The following RRP1B variants were observed in gnomAD, a reference collection of about 807,000 sequenced individuals.
RRP1B encodes ribosomal RNA processing 1B.
Under a neutral mutation model 80.2 loss-of-function variants are expected in RRP1B, and 56 were observed. That is an observed-to-expected ratio of 0.70 (90% confidence interval 0.56 to 0.87). RRP1B has a LOEUF of 0.87. Among genes scored for constraint, RRP1B ranks in the 40% least tolerant of loss-of-function variants. The pLI, the probability that RRP1B is intolerant of heterozygous loss-of-function variation, is 0.00. For synonymous variants in RRP1B, 351 were observed against 357.6 expected (o/e 0.98, Z 0.21); for missense variants, 807 against 939.8 (o/e 0.86, Z 1.85).
intron 3 of RRP1B, among the ~76,000 whole-genome samples, chr21:43,673,165 GA>G (rs945748337): frequency 6.6e-6 from 1 of 152,168 alleles, no homozygotes; most frequent in African/African-American, 2.4e-5. Context: ...TAATGGTTTT[GA>G]ACTGATTGTG....
chr21:43,669,743 A>G (rs2147163451), intron 1 of RRP1B, 141 bp from the exon 2 acceptor site: 3 of 573,448 alleles, frequency 5.2e-6, no homozygotes, highest in East Asian at 5.6e-5. Flanking sequence ...TTTTATAACA[A>G]TAAGGAAATG....
In RRP1B at chr21:43,659,753, A is replaced by G; in HGVS notation, c.89A>G (p.Lys30Arg). ...GGCATCCGGGACCGAGCGGTGAAGA[A>G]GCTGCGCCAGTACATCAGCGTGAAG... ...EKGIRDRAVK[K>R]LRQYISVKTQ... Residue 30 changes from lysine to arginine, a missense_variant, in exon 1 of 16, where the codon AAG becomes AGG. Physicochemically the swap from Lys to Arg is conservative, Grantham distance 26 (BLOSUM62 2). Coordinates refer to ENST00000340648, the MANE Select transcript of RRP1B (RefSeq NM_015056.3). This position sits in a 1 kb window ranked among gnomAD's most constrained non-coding sequence, Gnocchi z 4.2. 6.6e-7 allele frequency: 1 copy of G among 1,525,114 alleles called. No homozygotes were observed. The highest frequency in any genetic ancestry group is 8.8e-7 in the Non-Finnish European group (1 of 1,133,964). The allele number at this position is 1,525,114 out of a possible 1,614,324, so 94.5% of individuals were successfully genotyped here.
intron 2 of RRP1B, among the ~76,000 whole-genome samples, chr21:43,672,092 C>G (rs1400923938): frequency 6.6e-6 from 1 of 152,202 alleles, no homozygotes; most frequent in Admixed American, 6.5e-5. Context: ...TAACACAGTT[C>G]TTGCAGACAT....
At chr21:43,680,814 G>C (rs1265367356) in intron 8 of RRP1B, among the ~76,000 whole-genome samples, 1 of 152,062 alleles carries the variant, frequency 6.6e-6, no homozygotes, top group African/African-American at 2.4e-5. Context: ...CAAAGTGCTG[G>C]GATTAAAGGC....
chr21:43,679,106 C>T (rs1190157300), intron 8 of RRP1B, among the ~76,000 whole-genome samples: 1 of 152,122 alleles, frequency 6.6e-6, no homozygotes, highest in Non-Finnish European at 1.5e-5. Context: ...CATTGGTCTA[C>T]ATGCCTATTT....
chr21:43,663,523 G>A (rs1478736477), intron 1 of RRP1B, among the ~76,000 whole-genome samples: 1 of 151,958 alleles, frequency 6.6e-6, no homozygotes, highest in African/African-American at 2.4e-5. Flanking sequence ...TCAAAGTGCT[G>A]GGATTACAGG....
Position 43,690,240 on chromosome 21 carries a change from G to A in RRP1B, c.1867-48G>A, listed in dbSNP as rs778990570. ...CCTGTGTGTGTGGGCAGCACAGGAG[G>A]CTCTGTCGTCTGACCCCTCCTCCGC... On this transcript the variant is annotated intron_variant, in intron 13 of 15. Transcript: ENST00000340648. The A allele has an allele frequency of 4.4e-6, 7 of 1,602,304 alleles. No individual in the cohort carries two copies. In the South Asian group the frequency reaches 6.7e-5, roughly 15 times the overall value.
chr21:43,674,858 T>C lies in RRP1B; in HGVS notation c.419+161T>C, dbSNP rs111907586. On this transcript the variant is annotated intron_variant, in intron 5 of 15. Coordinates refer to ENST00000340648, the MANE Select transcript of RRP1B (RefSeq NM_015056.3). ...AAGGCATAAAACAGTTAAGTATATA[T>C]GACAGTTAACATTTTATCCTGATTT... is the stretch of plus-strand genomic sequence containing the variant. Among the ~76,000 whole-genome samples the C allele has an allele frequency of 9.9e-3, 1,513 of 152,276 alleles. 24 individuals carry two copies. Among genetic ancestry groups the C allele is most frequent in the African/African-American group, 0.034 (1,426 of 41,552 alleles).
Position 43,676,795 on chromosome 21 carries a change from T to C in RRP1B, c.677T>C (p.Phe226Ser), listed in dbSNP as rs1176637126. 3.1e-6 allele frequency: 5 copies of C among 1,614,258 alleles called. No homozygotes were observed. The highest frequency in any genetic ancestry group is 3.4e-6 in the Non-Finnish European group (4 of 1,180,040). Residue 226 changes from phenylalanine to serine, a missense_variant, in exon 8 of 16, where the codon TTT becomes TCT. By Grantham distance (155) the Phe-to-Ser change is radical. Transcript: ENST00000340648. ...VFEAIVDQSP[F>S]VPEETMEEQK... ...GAAGCTATCGTAGATCAGTCTCCTT[T>C]TGTGCCTGAAGAGACGATGGAGGAA...
chr21:43,664,487 T>A (rs940677551), intron 1 of RRP1B, among the ~76,000 whole-genome samples: 6 of 152,176 alleles, frequency 3.9e-5, no homozygotes, highest in Non-Finnish European at 8.8e-5. Flanking sequence ...TAACAATAAA[T>A]CTTTCATATA....
chr21:43,674,210 G>A (rs1477522545), intron 4 of RRP1B, among the ~76,000 whole-genome samples: 2 of 152,242 alleles, frequency 1.3e-5, no homozygotes, highest in Non-Finnish European at 2.9e-5. Context: ...AGGTTGGAGT[G>A]CAGTGGTGCG....
chr21:43,687,044 C>A, intron 12 of RRP1B, 109 bp downstream of exon 12: 2 of 1,230,816 alleles, frequency 1.6e-6, no homozygotes, highest in Non-Finnish European at 2.3e-6. Flanking sequence ...ATTAGCAGAG[C>A]CCAAAGCTTC....
chr21:43,685,724 C>T, intron 10 of RRP1B, 46 bp from the exon 11 acceptor site: 1 of 1,336,544 alleles, frequency 7.5e-7, no homozygotes, highest in Non-Finnish European at 1.0e-6. Context: ...TCTTTATGAA[C>T]ATTTGTTATT....
chr21:43,665,608 G>C (rs1465714205), intron 1 of RRP1B, among the ~76,000 whole-genome samples: 1 of 152,142 alleles, frequency 6.6e-6, no homozygotes, highest in Non-Finnish European at 1.5e-5. Flanking sequence ...GTGCAGTGGT[G>C]CGATCTTGGC....
At chr21:43,669,700 G>T (rs988908131) in intron 1 of RRP1B, among the ~76,000 whole-genome samples, 184 bp from the exon 2 acceptor site, 3 of 152,166 alleles carry the variant, frequency 2.0e-5, no homozygotes, top group Non-Finnish European at 2.9e-5. Context: ...AGCTGATAAA[G>T]CTGCAGGTAC....
intron 15 of RRP1B, among the ~76,000 whole-genome samples, chr21:43,692,913 T>C (rs1601763612): frequency 6.6e-6 from 1 of 152,220 alleles, no homozygotes; most frequent in South Asian, 2.1e-4. Flanking sequence ...CCCCCAATGT[T>C]CACCCTTCCA....
rs532791865 is a variant in RRP1B at position 43,667,695 on chromosome 21, A to G, written c.131-2189A>G. The stretch of plus-strand genomic sequence containing the variant: ...GGCCAAGAAAAAAAAAGTTACTGCA[A>G]TCATGACCGCAGTTGGCTCAGCTCT... On this transcript the variant is annotated intron_variant, in intron 1 of 15. Transcript: ENST00000340648. Among the ~76,000 whole-genome samples, 40 of 152,312 alleles carry G rather than the reference A, an allele frequency of 2.6e-4. No homozygotes were observed. The South Asian group carries it at 8.1e-3, about 31-fold the overall frequency.
Position 43,693,033 on chromosome 21 carries a change from G to A in RRP1B, c.2084-157G>A, listed in dbSNP as rs1334010443. 6.6e-6 allele frequency among the ~76,000 whole-genome samples: 1 copy of A among 152,180 alleles called. No homozygotes were observed. Among genetic ancestry groups the A allele is most frequent in the African/African-American group, 2.4e-5 (1 of 41,446 alleles). Reference sequence around the variant, plus strand: ...TGGCCTCACTGCCCTCCTTTCCTCAGAAGGCTCTTGGGCCTGCTCTCTGCA... The same window carrying A: ...TGGCCTCACTGCCCTCCTTTCCTCAAAAGGCTCTTGGGCCTGCTCTCTGCA... On this transcript the variant is annotated intron_variant, in intron 15 of 15. Coordinates refer to ENST00000340648, the MANE Select transcript of RRP1B (RefSeq NM_015056.3). This position sits in a 1 kb window ranked among gnomAD's most constrained non-coding sequence, Gnocchi z 4.1.
chr21:43,679,042 G>A (rs2083033020), intron 8 of RRP1B, among the ~76,000 whole-genome samples: 2 of 152,072 alleles, frequency 1.3e-5, no homozygotes, highest in African/African-American at 4.8e-5. Context: ...TGTTTGCTTG[G>A]TTGAGGATCA....
Sources: allele counts gnomAD v4.1 joint callset (sites outside exome capture counted in the v4.1 genomes callset), GRCh38; gene constraint gnomAD v4.1.1; non-coding constraint Gnocchi (gnomAD v3.1); transcripts MANE v1.5; gene names NCBI Gene and HGNC (gene_info 2026-07-23, HGNC 2026-07-21).